Variants in MED10 observed in about 807,000 individuals in gnomAD.
MED10 encodes mediator complex subunit 10.
A neutral mutation model predicts 17.2 loss-of-function variants in MED10; 9 were observed. That is an observed-to-expected ratio of 0.52 (90% CI 0.31 to 0.91). MED10 has a LOEUF of 0.91. MED10 is among the 40% of genes least tolerant of loss of function. The pLI, the probability that MED10 is intolerant of heterozygous loss-of-function variation, is 0.04. For missense variants in MED10, 129 were observed against 164.8 expected (o/e 0.78, Z 1.19); for synonymous variants, 66 against 59.8 (o/e 1.10, Z -0.48).
chr5:6,375,044 T>C (rs990326466), intron 2 of MED10, among the ~76,000 whole-genome samples: 32 of 152,312 alleles, frequency 2.1e-4, no homozygotes, highest in African/African-American at 7.7e-4. Context: ...ACCACTTTAC[T>C]AAATACACCT....
In MED10 at chr5:6,378,492, C is replaced by G. The variant is rs1484300161; in HGVS notation, c.-9G>C. 6.2e-7 allele frequency: 1 copy of G among 1,609,792 alleles called. No homozygotes were observed. Among genetic ancestry groups the G allele is most frequent in the East Asian group, 2.2e-5 (1 of 44,710 alleles). On this transcript the variant is annotated 5_prime_UTR_variant, in exon 1 of 4. Coordinates refer to ENST00000255764, the MANE Select transcript of MED10 (RefSeq NM_032286.3). ...TCAAACTTCTCCGCCATCGCCTCGG[C>G]CCGTCCCCGACCCACACAGCCTCAA... is the stretch of plus-strand genomic sequence containing the variant.
At chr5:6,378,315 C>T in intron 1 of MED10, 47 bp downstream of exon 1, 1 of 1,525,056 alleles carries the variant, frequency 6.6e-7, no homozygotes, top group Non-Finnish European at 8.8e-7. Context: ...CACACGCTTC[C>T]CGGCCAGGCC....
intron 2 of MED10, among the ~76,000 whole-genome samples, chr5:6,375,688 C>G (rs952950282): frequency 6.6e-5 from 10 of 152,206 alleles, no homozygotes; most frequent in Admixed American, 1.3e-4. Context: ...AAGGGCCAAG[C>G]TGCTTTCACC....
intron 2 of MED10, among the ~76,000 whole-genome samples, chr5:6,376,354 T>C (rs1251796403): frequency 6.6e-6 from 1 of 152,224 alleles, no homozygotes; most frequent in Non-Finnish European, 1.5e-5. Flanking sequence ...AATACTAGAA[T>C]GTTCTTGCTG....
intron 3 of MED10, among the ~76,000 whole-genome samples, chr5:6,373,604 T>C (rs2111434087): frequency 6.6e-6 from 1 of 152,140 alleles, no homozygotes; most frequent in South Asian, 2.1e-4. Flanking sequence ...GTTGGATGTA[T>C]TCCAGAACCG....
chr5:6,378,286 T>C (rs1738042645), intron 1 of MED10, 76 bp downstream of exon 1: 4 of 1,464,852 alleles, frequency 2.7e-6, no homozygotes, highest in South Asian at 1.4e-5. Context: ...TCGGGCTCCC[T>C]AGATCCCCGC....
At chr5:6,375,311 C>G (rs528304411) in intron 2 of MED10, among the ~76,000 whole-genome samples, 75 of 152,146 alleles carry the variant, frequency 4.9e-4, no homozygotes, top group Non-Finnish European at 8.5e-4. Context: ...AAACTGAAAA[C>G]TAACTCTACT....
intron 3 of MED10, 114 bp from the exon 4 acceptor site, chr5:6,372,715 G>A (rs938604353): frequency 1.5e-5 from 11 of 753,184 alleles, no homozygotes; most frequent in Middle Eastern, 3.2e-4. Flanking sequence ...ACAGGGCCAC[G>A]GGACTGACCT....
Position 6,372,169 on chromosome 5 carries a change from T to C in MED10, c.*334A>G. On this transcript the variant is annotated 3_prime_UTR_variant, in exon 4 of 4. Transcript: ENST00000255764. ...AAAAGAAAAATATTAGGTAGAATGT[T>C]GTAAAACTTTTAATTTACCCATCAT... The C allele has an allele frequency of 8.4e-6, 2 of 236,952 alleles. No homozygotes were observed. The highest frequency in any genetic ancestry group is 1.6e-5 in the Non-Finnish European group (2 of 122,876). The allele number at this position is 236,952 out of a possible 1,614,324, so 14.7% of individuals were successfully genotyped here.
At position 6,374,498 on chromosome 5, in the gene MED10, G is replaced by A; in HGVS notation, c.207-72C>T. On this transcript the variant is annotated intron_variant, in intron 2 of 3. Transcript: ENST00000255764. ...ATTCTCACAGCTTTCTGAAAGGTAT[G>A]GGGGAATAAAGGTTAGGTATATATA... is the stretch of plus-strand genomic sequence containing the variant. 8.9e-6 allele frequency: 10 copies of A among 1,123,430 alleles called. No individual in the cohort carries two copies. In the South Asian group the frequency reaches 1.1e-4, roughly 12 times the overall value. The allele number at this position is 1,123,430 out of a possible 1,614,324, so 69.6% of individuals were successfully genotyped here. A position where few individuals can be genotyped will look rare whatever the true frequency, so the allele number is the denominator to read the frequency against.
At position 6,378,367 on chromosome 5, in the gene MED10, T is replaced by C. The variant is rs756465150; in HGVS notation, c.117A>G (p.Gln39=). The C allele has an allele frequency of 6.8e-6, 11 of 1,609,134 alleles. No homozygotes were observed. In the East Asian group the frequency reaches 2.0e-4, roughly 29 times the overall value. ...AGCCTCGGGCCGCCACTCACAGCTT[T>C]TGGTTGAGCCCGGCCTGGCTGCTGG... is the stretch of plus-strand genomic sequence containing the variant. ...FQPSSQAGLN[Q]KLNFIVTGLQ... The change falls in exon 1 of 4, where the codon CAA becomes CAG. Residue 39 remains glutamine, a synonymous_variant. Transcript: ENST00000255764.
intron 1 of MED10, 109 bp from the exon 2 acceptor site, chr5:6,377,358 C>T: frequency 1.5e-6 from 1 of 662,060 alleles, no homozygotes; most frequent in Admixed American, 2.6e-5. Flanking sequence ...TCGTTCTCCT[C>T]ACAGCTATGC....
At position 6,378,331 on chromosome 5, in the gene MED10, G is replaced by A. The variant is rs371209267; in HGVS notation, c.122+31C>T. 17 of 1,568,322 alleles carry A rather than the reference G, an allele frequency of 1.1e-5. No individual in the cohort carries two copies. The African/African-American group carries it at 1.9e-4, about 17-fold the overall frequency. On this transcript the variant is annotated intron_variant, in intron 1 of 3. Coordinates refer to ENST00000255764, the MANE Select transcript of MED10 (RefSeq NM_032286.3). ...ACACGCTTCCCGGCCAGGCCCTGGG[G>A]AGACCCCGGCAGCCTCGGGCCGCCA...
chr5:6,374,218 G>A (rs950018812), intron 3 of MED10, 106 bp downstream of exon 3: 1 of 743,216 alleles, frequency 1.3e-6, no homozygotes, highest in East Asian at 2.5e-5. Flanking sequence ...GTGAAGTTAT[G>A]AAAGTCAATA....
intron 1 of MED10, among the ~76,000 whole-genome samples, 176 bp downstream of exon 1, chr5:6,378,186 C>T (rs1242371757): frequency 6.6e-6 from 1 of 151,794 alleles, no homozygotes; most frequent in East Asian, 2.0e-4. Flanking sequence ...GAGCGCGGGC[C>T]CCGCCCTCTG....
chr5:6,378,496 T>TC lies in MED10; in HGVS notation c.-14dup. 1 of 1,607,990 alleles carries TC rather than the reference T, an allele frequency of 6.2e-7. No individual in the cohort carries two copies. Among genetic ancestry groups the TC allele is most frequent in the Non-Finnish European group, 8.5e-7 (1 of 1,176,874 alleles). On this transcript the variant is annotated 5_prime_UTR_variant, in exon 1 of 4. Transcript: ENST00000255764. ...ACTTCTCCGCCATCGCCTCGGCCCG[T>TC]CCCCGACCCACACAGCCTCAACCAG...
intron 3 of MED10, among the ~76,000 whole-genome samples, chr5:6,373,999 C>T (rs1737944095): frequency 6.6e-6 from 1 of 152,114 alleles, no homozygotes; most frequent in African/African-American, 2.4e-5. Flanking sequence ...AAGCCTTCAA[C>T]AGTAGGAATT....
At chr5:6,376,112 A>T (rs1396138371) in intron 2 of MED10, among the ~76,000 whole-genome samples, 1 of 152,186 alleles carries the variant, frequency 6.6e-6, no homozygotes, top group African/African-American at 2.4e-5. Context: ...GAAGTCAGAG[A>T]CCTCAGTGGT....
rs1309596210 is a variant in MED10, at chr5:6,372,058, C to A, written c.*445G>T. ...CCACTTAAGTACTTCCCACATTAAA[C>A]TGATTTTTCTTTTTTTAAAAAAATT... On this transcript the variant is annotated 3_prime_UTR_variant, in exon 4 of 4. Coordinates refer to ENST00000255764, the MANE Select transcript of MED10 (RefSeq NM_032286.3). 6.5e-6 allele frequency: 1 copy of A among 154,722 alleles called. No homozygotes were observed. The highest frequency in any genetic ancestry group is 1.4e-5 in the Non-Finnish European group (1 of 69,800). 9.6% of individuals were successfully genotyped at this position (154,722 alleles called of 1,614,324 possible).
Sources: allele counts gnomAD v4.1 joint callset (sites outside exome capture counted in the v4.1 genomes callset), GRCh38; gene constraint gnomAD v4.1.1; transcripts MANE v1.5; gene names NCBI Gene and HGNC (gene_info 2026-07-23, HGNC 2026-07-21).